C6: variants seen among roughly 807,000 people sequenced by gnomAD.
C6 encodes the protein complement component C6.
A neutral mutation model predicts 112.9 loss-of-function variants in C6; 101 were observed. The ratio of observed to expected loss-of-function variants is 0.89; its 90% CI spans 0.76 to 1.06. The LOEUF is 1.06. C6 is among the 50% of genes least tolerant of loss of function. The pLI, the probability that C6 is intolerant of heterozygous loss-of-function variation, is 0.00. For synonymous variants in C6, 431 were observed against 384.1 expected (o/e 1.12, Z -1.43); for missense variants, 1,202 against 1,104.6 (o/e 1.09, Z -1.25).
upstream of C6, among the ~76,000 whole-genome samples, chr5:41,215,297 C>A (rs1752160360): frequency 6.6e-6 from 1 of 152,048 alleles, no homozygotes; most frequent in Admixed American, 6.6e-5. Flanking sequence ...AAGTTGCAAC[C>A]CAGAGAGAAA....
intron 1 of C6, among the ~76,000 whole-genome samples, chr5:41,256,600 T>C (rs1214740645): frequency 6.6e-6 from 1 of 152,148 alleles, no homozygotes; most frequent in Non-Finnish European, 1.5e-5. Flanking sequence ...CTAATCTTTG[T>C]ATCACACAGG....
At chr5:41,184,982 G>C (rs1271874663) in intron 6 of C6, among the ~76,000 whole-genome samples, 1 of 152,128 alleles carries the variant, frequency 6.6e-6, no homozygotes, top group African/African-American at 2.4e-5. Context: ...TGAAATAGAT[G>C]TTTGCTGAAA....
chr5:41,224,216 C>CT (rs1191173943), intron 1 of C6, among the ~76,000 whole-genome samples: 1 of 152,026 alleles, frequency 6.6e-6, no homozygotes, highest in East Asian at 1.9e-4. Context: ...CAGCAGTTTT[C>CT]TTTTTTTCTC....
intron 5 of C6, among the ~76,000 whole-genome samples, chr5:41,190,949 C>A (rs1223892193): frequency 6.6e-6 from 1 of 151,890 alleles, no homozygotes; most frequent in Non-Finnish European, 1.5e-5. Flanking sequence ...GTATTCGGTT[C>A]CATTGGTCTA....
intron 6 of C6, among the ~76,000 whole-genome samples, chr5:41,182,381 C>T (rs1749426659): frequency 6.6e-6 from 1 of 151,846 alleles, no homozygotes; most frequent in African/African-American, 2.4e-5. Context: ...ATGAGTGGCA[C>T]TGTTTTAAGA....
intron 1 of C6, among the ~76,000 whole-genome samples, chr5:41,245,128 C>T (rs1193475904): frequency 6.6e-6 from 1 of 152,142 alleles, no homozygotes; most frequent in Non-Finnish European, 1.5e-5. Context: ...TATCTTGTCT[C>T]ATGTTGGTAT....
In C6 at chr5:41,158,760, C is replaced by A. The variant is rs1188939191; in HGVS notation, c.1882G>T (p.Glu628Ter). The change falls in exon 13 of 18, where the codon GAA becomes TAA. Residue 628 changes from glutamate to a stop codon, truncating the protein, a stop_gained. Transcript: ENST00000337836. LOFTEE classifies it high-confidence loss of function. ...NNGQPCINDDEEMKEVDLPEI... is the reference protein window; with the variant it reads ...NNGQPCINDD Reference sequence around the variant, plus strand: ...GGAAGATCGACCTCTTTCATTTCTTCGTCATCATTGATACATGGTTGTCCA... The same window carrying A: ...GGAAGATCGACCTCTTTCATTTCTTAGTCATCATTGATACATGGTTGTCCA... 2 of 1,601,872 alleles carry A rather than the reference C, an allele frequency of 1.2e-6. No individual in the cohort carries two copies. Among genetic ancestry groups the A allele is most frequent in the East Asian group, 4.5e-5 (2 of 44,768 alleles).
chr5:41,178,946 C>T (rs1377087393), intron 7 of C6, among the ~76,000 whole-genome samples: 6 of 151,710 alleles, frequency 4.0e-5, no homozygotes, highest in African/African-American at 7.3e-5. Flanking sequence ...CTCCGCCTCC[C>T]GGGTTCAAGT....
At chr5:41,152,114 A>G (rs2150238503) in intron 15 of C6, among the ~76,000 whole-genome samples, 1 of 152,272 alleles carries the variant, frequency 6.6e-6, no homozygotes, top group East Asian at 1.9e-4. Flanking sequence ...AATTATAATA[A>G]CGGATTTATA....
rs1352895513 is a variant in C6 at position 41,176,708 on chromosome 5, C to G, written c.935G>C (p.Ser312Thr). 1 of 1,610,230 alleles carries G rather than the reference C, an allele frequency of 6.2e-7. No individual in the cohort carries two copies. Among genetic ancestry groups the G allele is most frequent in the African/African-American group, 1.3e-5 (1 of 74,840 alleles). ...CATCACTTTATGGATCCTAATAAAA[C>G]TAGAATCCTAAATGGAAGAAAGAAG... ...AIQASHKKDS[S>T]FIRIHKVMKV... Residue 312 changes from serine to threonine, a missense_variant, in exon 8 of 18, where the codon AGT becomes ACT. Transcript: ENST00000337836.
At chr5:41,183,497 C>T (rs894160182) in intron 6 of C6, among the ~76,000 whole-genome samples, 9 of 152,122 alleles carry the variant, frequency 5.9e-5, no homozygotes, top group African/African-American at 2.2e-4. Flanking sequence ...GTTGGCAAGG[C>T]TGTGGAGAAA....
upstream of C6, among the ~76,000 whole-genome samples, chr5:41,218,233 A>G (rs929940192): frequency 1.1e-4 from 17 of 152,282 alleles, no homozygotes; most frequent in African/African-American, 3.8e-4. Flanking sequence ...ATTCACAGAA[A>G]TCGTAACTTC....
At chr5:41,200,010 C>T (rs1750890888) in intron 3 of C6, 98 bp from the exon 4 acceptor site, 1 of 1,063,474 alleles carries the variant, frequency 9.4e-7, no homozygotes, top group Non-Finnish European at 1.4e-6. Context: ...GTGATTTTTC[C>T]TATGGTAATA....
At chr5:41,211,698 A>G (rs1751944258) in intron 1 of C6, among the ~76,000 whole-genome samples, 1 of 152,262 alleles carries the variant, frequency 6.6e-6, no homozygotes, top group African/African-American at 2.4e-5. Flanking sequence ...GGACCTTTTC[A>G]GCAAGAAAAA....
intron 1 of C6, among the ~76,000 whole-genome samples, chr5:41,243,581 T>C (rs971025571): frequency 6.6e-6 from 1 of 152,208 alleles, no homozygotes; most frequent in Non-Finnish European, 1.5e-5. Flanking sequence ...GACTAGTTAC[T>C]AAGCTAGACA....
At chr5:41,205,366 G>A (rs1229049637) in intron 1 of C6, among the ~76,000 whole-genome samples, 1 of 152,226 alleles carries the variant, frequency 6.6e-6, no homozygotes, top group Non-Finnish European at 1.5e-5. Context: ...TCATCTCACT[G>A]GGGCTTGTCG....
chr5:41,234,052 C>T (rs1243157261), intron 1 of C6, among the ~76,000 whole-genome samples: 2 of 152,064 alleles, frequency 1.3e-5, no homozygotes, highest in Non-Finnish European at 2.9e-5. Context: ...GTGAACTTTG[C>T]TTAACCATAG....
chr5:41,150,066 A>T lies in C6; in HGVS notation c.2291-41T>A, dbSNP rs961533362. On this transcript the variant is annotated intron_variant, in intron 15 of 17. Coordinates refer to ENST00000337836, the MANE Select transcript of C6 (RefSeq NM_000065.5). Reference sequence around the variant, plus strand: ...AAAGGAGAAAAGAACAGTGCACAGCATGGATTCTAAGTGATAAGCTTGAAT... The same window carrying T: ...AAAGGAGAAAAGAACAGTGCACAGCTTGGATTCTAAGTGATAAGCTTGAAT... 5 of 1,238,204 alleles carry T rather than the reference A, an allele frequency of 4.0e-6. No individual in the cohort carries two copies. The Admixed American group carries it at 5.0e-5, about 12-fold the overall frequency. The allele number at this position is 1,238,204 out of a possible 1,614,324, so 76.7% of individuals were successfully genotyped here.
chr5:41,172,172 G>A lies in C6; in HGVS notation c.1291+53C>T, dbSNP rs149118295. ...GTCACATCCAATATGGTCTGTAAAT[G>A]ACAGCCAGGCTCAGGGCACACTGGA... On this transcript the variant is annotated intron_variant, in intron 9 of 17. Transcript: ENST00000337836. The A allele has an allele frequency of 8.8e-5, 140 of 1,593,752 alleles. No homozygotes were observed. The African/African-American group carries it at 1.8e-3, about 20-fold the overall frequency.
Sources: allele counts gnomAD v4.1 joint callset (sites outside exome capture counted in the v4.1 genomes callset), GRCh38; gene constraint gnomAD v4.1.1; transcripts MANE v1.5; gene names NCBI Gene and HGNC (gene_info 2026-07-23, HGNC 2026-07-21).